Variants in PCDHGB2 observed in about 807,000 individuals in gnomAD.
PCDHGB2 encodes protocadherin gamma-B2.
Under a neutral mutation model 59.3 loss-of-function variants are expected in PCDHGB2, and 55 were observed. The observed-to-expected ratio is 0.93, with a 90% CI of 0.75 to 1.16. The LOEUF is 1.16. PCDHGB2 is among the 50% of genes most tolerant of loss of function. PCDHGB2 has a pLI of 0.00. For synonymous variants in PCDHGB2, 516 were observed against 512.0 expected (o/e 1.01, Z -0.11); for missense variants, 1,228 against 1,198.5 (o/e 1.02, Z -0.36).
At chr5:141,454,092 T>C (rs552760379) in intron 1 of PCDHGB2, among the ~76,000 whole-genome samples, 2 of 152,316 alleles carry the variant, frequency 1.3e-5, no homozygotes, top group East Asian at 3.9e-4. Flanking sequence ...GAAATTTGAA[T>C]TGAACATAAA....
chr5:141,399,751 G>A (rs564705346), intron 1 of PCDHGB2: 3 of 1,613,322 alleles, frequency 1.9e-6, no homozygotes, highest in Admixed American at 3.3e-5. Context: ...CAGCGCAAAC[G>A]TGAGCCTGCG....
At chr5:141,394,621 G>C (rs1231814252) in intron 1 of PCDHGB2, 1 of 1,613,408 alleles carries the variant, frequency 6.2e-7, no homozygotes, top group African/African-American at 1.3e-5. Flanking sequence ...CAGAACGCCT[G>C]GCTGTCCTAC....
chr5:141,473,784 G>A (rs1457988232), intron 1 of PCDHGB2, among the ~76,000 whole-genome samples: 1 of 152,226 alleles, frequency 6.6e-6, no homozygotes, highest in Non-Finnish European at 1.5e-5. Flanking sequence ...TTTAATTCAA[G>A]AGCAGTATGA....
At chr5:141,460,961 A>ATATGTGTG (rs1463306338) in intron 1 of PCDHGB2, among the ~76,000 whole-genome samples, 3 of 144,556 alleles carry the variant, frequency 2.1e-5, no homozygotes, top group African/African-American at 7.8e-5. Context: ...GTATATATAT[A>ATATGTGTG]TGTGTGTGTG....
At chr5:141,388,632 A>C in intron 1 of PCDHGB2, 1 of 1,613,958 alleles carries the variant, frequency 6.2e-7, no homozygotes, top group Non-Finnish European at 8.5e-7. Context: ...ATACAGGGTG[A>C]GCCTTTCAGA....
chr5:141,491,293 C>T lies in PCDHGB2; in HGVS notation c.2422-3514C>T. On this transcript the variant is annotated intron_variant, in intron 1 of 3. Transcript: ENST00000522605. This position sits in a 1 kb window ranked among gnomAD's most constrained non-coding sequence, Gnocchi z 6.9. Reference sequence around the variant, plus strand: ...ATCCAGTGACTTCCTCATACACCCTCCTGAGCGTTCAGACCTTACCCTTTA... The same window carrying T: ...ATCCAGTGACTTCCTCATACACCCTTCTGAGCGTTCAGACCTTACCCTTTA... 6.2e-7 allele frequency: 1 copy of T among 1,614,166 alleles called. No homozygotes were observed. The highest frequency in any genetic ancestry group is 1.3e-5 in the African/African-American group (1 of 75,058).
rs762801084 is a variant in PCDHGB2, at chr5:141,389,853, A to T, written c.2421+27297A>T. 5 of 1,614,050 alleles carry T rather than the reference A, an allele frequency of 3.1e-6. No homozygotes were observed. In the South Asian group the frequency reaches 5.5e-5, roughly 18 times the overall value. On this transcript the variant is annotated intron_variant, in intron 1 of 3. Transcript: ENST00000522605. The stretch of plus-strand genomic sequence containing the variant: ...ACAGCCACCACTCTCGGCCACTGCC[A>T]CGTTGCACCTGGTCTTCGCCGACAG...
rs74792071 is a variant in PCDHGB2 at position 141,437,248 on chromosome 5, T to C, written c.2422-57559T>C. 4.6e-3 allele frequency among the ~76,000 whole-genome samples: 704 copies of C among 152,360 alleles called. 4 individuals carry two copies. The highest frequency in any genetic ancestry group is 0.015 in the African/African-American group (641 of 41,594). On this transcript the variant is annotated intron_variant, in intron 1 of 3. Transcript: ENST00000522605. ...CATAAAATTATGTCAAGGACTTTCC[T>C]TGTCTTTTTATGTGTATGACAGATG... is the stretch of plus-strand genomic sequence containing the variant.
chr5:141,413,699 A>T (rs2095668539), intron 1 of PCDHGB2: 2 of 1,613,762 alleles, frequency 1.2e-6, no homozygotes, highest in East Asian at 4.5e-5. Context: ...CAGAGCTATC[A>T]GCTCAGCCCC....
rs1460072742 is a variant in PCDHGB2, at chr5:141,399,761, G to A, written c.2421+37205G>A. 3 of 1,613,238 alleles carry A rather than the reference G, an allele frequency of 1.9e-6. No individual in the cohort carries two copies. The highest frequency in any genetic ancestry group is 1.7e-4 in the Middle Eastern group (1 of 5,918). On this transcript the variant is annotated intron_variant, in intron 1 of 3. Transcript: ENST00000522605. The stretch of plus-strand genomic sequence containing the variant: ...GCGCTCAGCGCAAACGTGAGCCTGC[G>A]CGTGTTGGTGGGCGACCGAAACGAC...
chr5:141,401,546 ATGCTATT>A (rs1372970930), intron 1 of PCDHGB2, among the ~76,000 whole-genome samples: 1 of 152,214 alleles, frequency 6.6e-6, no homozygotes, highest in African/African-American at 2.4e-5. Context: ...AAAAAAGGAA[ATGCTATT>A]GCCTGAATTT....
chr5:141,462,242 G>A (rs1325040495), intron 1 of PCDHGB2, among the ~76,000 whole-genome samples: 3 of 152,234 alleles, frequency 2.0e-5, no homozygotes, highest in Non-Finnish European at 4.4e-5. Context: ...TTACAGGTAT[G>A]AGCCACCATG....
At position 141,489,397 on chromosome 5, in the gene PCDHGB2, G is replaced by A. The variant is rs1307106048; in HGVS notation, c.2422-5410G>A. 2.5e-6 allele frequency: 4 copies of A among 1,614,058 alleles called. No homozygotes were observed. The highest frequency in any genetic ancestry group is 2.7e-5 in the African/African-American group (2 of 74,914). ...GGTGGGGAATGTTGCTCAGGATCTG[G>A]GCTTAAAGATGACAGATCTGTTGAG... On this transcript the variant is annotated intron_variant, in intron 1 of 3. Transcript: ENST00000522605. This position sits in a 1 kb window ranked among gnomAD's most constrained non-coding sequence, Gnocchi z 4.5.
At position 141,493,906 on chromosome 5, in the gene PCDHGB2, G is replaced by A. The variant is rs2099750764; in HGVS notation, c.2422-901G>A. ...CTCTAGGAGTGCTCCATGAGAGTGT[G>A]TGATGGGATAACACACCCCCTGGAA... is the stretch of plus-strand genomic sequence containing the variant. On this transcript the variant is annotated intron_variant, in intron 1 of 3. Transcript: ENST00000522605. The surrounding 1 kb of genome is among the most constrained non-coding windows in gnomAD (Gnocchi z 4.3). Among the ~76,000 whole-genome samples the A allele has an allele frequency of 6.6e-6, 1 of 152,200 alleles. No individual in the cohort carries two copies. Among genetic ancestry groups the A allele is most frequent in the Non-Finnish European group, 1.5e-5 (1 of 68,032 alleles).
chr5:141,401,060 T>A (rs1395651829), intron 1 of PCDHGB2, among the ~76,000 whole-genome samples: 3 of 152,216 alleles, frequency 2.0e-5, no homozygotes, highest in Non-Finnish European at 4.4e-5. Flanking sequence ...ATACTATATG[T>A]TGGCTGGGTG....
intron 1 of PCDHGB2, chr5:141,366,660 A>G: frequency 1.2e-6 from 2 of 1,614,254 alleles, no homozygotes; most frequent in Non-Finnish European, 1.7e-6. Context: ...AACTACGCAG[A>G]CACGCTCCTT....
chr5:141,440,905 C>A (rs986711694), intron 1 of PCDHGB2: 1 of 152,184 alleles, frequency 6.6e-6, no homozygotes, highest in East Asian at 1.9e-4. Context: ...TGCATCCGGG[C>A]ACTCCTGTGC....
At chr5:141,388,811 A>C (rs375009380) in intron 1 of PCDHGB2, 21 of 1,613,866 alleles carry the variant, frequency 1.3e-5, no homozygotes, top group Non-Finnish European at 1.6e-5. Context: ...ATTTTGAAGA[A>C]GTCAAAGAAT....
At chr5:141,365,347 C>A (rs762446364) in intron 1 of PCDHGB2, 3 of 1,613,946 alleles carry the variant, frequency 1.9e-6, no homozygotes, top group Admixed American at 3.3e-5. Context: ...CAGTACAGGA[C>A]GTGAATGACA....
Sources: allele counts gnomAD v4.1 joint callset (sites outside exome capture counted in the v4.1 genomes callset), GRCh38; gene constraint gnomAD v4.1.1; non-coding constraint Gnocchi (gnomAD v3.1); transcripts MANE v1.5; gene names NCBI Gene and HGNC (gene_info 2026-07-23, HGNC 2026-07-21).